The following ANKRD26 variants were observed in gnomAD, a reference collection of about 807,000 sequenced individuals.
ANKRD26 encodes ankyrin repeat domain-containing protein 26.
ANKRD26 carries 141 observed loss-of-function variants against 208.7 expected under a neutral mutation model. The observed-to-expected ratio is 0.68, with a 90% confidence interval of 0.59 to 0.78. The LOEUF (loss-of-function observed/expected upper bound fraction) is 0.78, where lower values mean the gene tolerates loss of function less well. ANKRD26 is among the 30% of genes least tolerant of loss of function. The pLI is 0.00. For synonymous variants in ANKRD26, 636 were observed against 660.4 expected (o/e 0.96, Z 0.57); for missense variants, 1,889 against 1,938.7 (o/e 0.97, Z 0.48).
intron 16 of ANKRD26, among the ~76,000 whole-genome samples, chr10:27,049,671 T>A (rs2054580732): frequency 6.6e-6 from 1 of 152,174 alleles, no homozygotes; most frequent in Non-Finnish European, 1.5e-5. Context: ...ATTAATTATC[T>A]AAGTTAACCT....
chr10:27,089,147 C>T (rs990838050), intron 4 of ANKRD26, among the ~76,000 whole-genome samples: 3 of 152,192 alleles, frequency 2.0e-5, no homozygotes, highest in Non-Finnish European at 4.4e-5. Context: ...CATTTCCAGA[C>T]TGCAGGACCA....
At chr10:27,036,930 ATAT>A (rs1434325075) in intron 23 of ANKRD26, among the ~76,000 whole-genome samples, 2 of 152,132 alleles carry the variant, frequency 1.3e-5, no homozygotes, top group African/African-American at 4.8e-5. Flanking sequence ...CTTACGGAAG[ATAT>A]TATTAAAAGC....
downstream of ANKRD26, among the ~76,000 whole-genome samples, chr10:26,972,166 C>G (rs12260834): frequency 2.0e-5 from 3 of 148,698 alleles, no homozygotes; most frequent in East Asian, 4.0e-4. Context: ...TCCCGGGAGG[C>G]GGAGCTTGCA....
At chr10:27,100,021 A>T in intron 1 of ANKRD26, 64 bp downstream of exon 1, 4 of 1,606,952 alleles carry the variant, frequency 2.5e-6, no homozygotes, top group Non-Finnish European at 3.4e-6. Flanking sequence ...CTCCCACAAA[A>T]GGGGCCCCTC....
chr10:27,009,764 GCTC>G (rs1286996664), intron 32 of ANKRD26, among the ~76,000 whole-genome samples: 1 of 152,106 alleles, frequency 6.6e-6, no homozygotes, highest in African/African-American at 2.4e-5. Context: ...TTATAAAAAT[GCTC>G]CTCCTTTCTC....
chr10:27,011,712 G>A (rs893686706), intron 32 of ANKRD26, among the ~76,000 whole-genome samples: 2 of 152,188 alleles, frequency 1.3e-5, no homozygotes, highest in African/African-American at 4.8e-5. Flanking sequence ...CTAGGACCTT[G>A]TTACTGTAAA....
intron 4 of ANKRD26, among the ~76,000 whole-genome samples, chr10:26,981,182 G>A (rs759299998): frequency 7.2e-5 from 11 of 152,314 alleles, no homozygotes; most frequent in Middle Eastern, 3.4e-3. Flanking sequence ...GGCTGATGTT[G>A]CATGGGTGGT....
rs1041549679 is a variant in ANKRD26, at chr10:27,022,429, GTTTT to G, written c.4215+125_4215+128del. On this transcript the variant is annotated intron_variant, in intron 29 of 33. Coordinates refer to ENST00000376087, the MANE Select transcript of ANKRD26 (RefSeq NM_014915.3). ...CTCTGAACTTAAAAGTTTAAAAAAA[GTTTT>G]TTTATTAGTATCAAGTCCCTAAAGT... is the stretch of plus-strand genomic sequence containing the variant. 4 of 695,102 alleles carry G rather than the reference GTTTT, an allele frequency of 5.8e-6. No individual in the cohort carries two copies. In the East Asian group the frequency reaches 1.3e-4, roughly 23 times the overall value. 43.1% of individuals were successfully genotyped at this position (695,102 alleles called of 1,614,324 possible).
intron 16 of ANKRD26, chr10:27,050,963 C>T (rs1052186697): frequency 2.3e-6 from 2 of 881,586 alleles, no homozygotes; most frequent in African/African-American, 1.8e-5. Flanking sequence ...TTAGGTAACA[C>T]CATTTTATAC....
At chr10:27,084,814 A>G (rs2135657901) in intron 5 of ANKRD26, among the ~76,000 whole-genome samples, 1 of 150,978 alleles carries the variant, frequency 6.6e-6, no homozygotes, top group East Asian at 2.0e-4. Flanking sequence ...TGTTGCAGTG[A>G]GCCGAGATCG....
intron 21 of ANKRD26, among the ~76,000 whole-genome samples, chr10:27,038,594 T>C (rs1457554324): frequency 1.3e-5 from 2 of 150,856 alleles, no homozygotes; most frequent in Non-Finnish European, 1.5e-5. Flanking sequence ...GATGTTGCAG[T>C]GAGCCGAGAT....
chr10:26,993,000 A>G (rs1467961660), intron 5 of ANKRD26, among the ~76,000 whole-genome samples: 1 of 152,190 alleles, frequency 6.6e-6, no homozygotes, highest in East Asian at 1.9e-4. Context: ...TGTTTAGCAA[A>G]GAGATACTCA....
chr10:27,098,417 A>G (rs879606359), intron 1 of ANKRD26, among the ~76,000 whole-genome samples: 6 of 152,346 alleles, frequency 3.9e-5, no homozygotes, highest in Admixed American at 6.5e-5. Flanking sequence ...TGCAAGATTC[A>G]TATTCCTCTC....
At position 27,039,961 on chromosome 10, in the gene ANKRD26, A is replaced by C; in HGVS notation, c.2375+4T>G. 1 of 1,611,696 alleles carries C rather than the reference A, an allele frequency of 6.2e-7. No homozygotes were observed. The highest frequency in any genetic ancestry group is 8.5e-7 in the Non-Finnish European group (1 of 1,178,302). Reference sequence around the variant, plus strand: ...AACATTTCTTTAAAACTAGGCTATCATACCTCAAAGAGCACAGTTCTCGTT... The same window carrying C: ...AACATTTCTTTAAAACTAGGCTATCCTACCTCAAAGAGCACAGTTCTCGTT... On this transcript the variant is annotated splice_donor_region_variant and intron_variant, in intron 21 of 33. Coordinates refer to ENST00000376087, the MANE Select transcript of ANKRD26 (RefSeq NM_014915.3).
chr10:27,100,013 C>T (rs567384466), intron 1 of ANKRD26, 72 bp downstream of exon 1: 1 of 1,605,036 alleles, frequency 6.2e-7, no homozygotes, highest in South Asian at 1.1e-5. Context: ...CTGGGTGGCT[C>T]CCACAAAAGG....
chr10:27,064,380 G>T (rs1463658361), intron 11 of ANKRD26, among the ~76,000 whole-genome samples: 1 of 151,968 alleles, frequency 6.6e-6, no homozygotes, highest in East Asian at 1.9e-4. Flanking sequence ...GTTCAACAAG[G>T]AACTAATATC....
At chr10:26,987,080 C>T (rs1169789422), downstream of ANKRD26, among the ~76,000 whole-genome samples, 1 of 152,110 alleles carries the variant, frequency 6.6e-6, no homozygotes, top group Non-Finnish European at 1.5e-5. Context: ...CACATATACA[C>T]CATGGAATAC....
intron 5 of ANKRD26, among the ~76,000 whole-genome samples, chr10:27,085,388 C>T (rs1038178297): frequency 2.6e-5 from 4 of 152,034 alleles, no homozygotes; most frequent in Admixed American, 1.3e-4. Context: ...CGTGAGCCAC[C>T]GCACCTGGCC....
chr10:27,090,547 T>A (rs901689127), intron 4 of ANKRD26, among the ~76,000 whole-genome samples: 2 of 152,178 alleles, frequency 1.3e-5, no homozygotes, highest in African/African-American at 4.8e-5. Flanking sequence ...GACATAAGCA[T>A]CTTGGGTGCT....
Sources: allele counts gnomAD v4.1 joint callset (sites outside exome capture counted in the v4.1 genomes callset), GRCh38; gene constraint gnomAD v4.1.1; transcripts MANE v1.5; gene names NCBI Gene and HGNC (gene_info 2026-07-23, HGNC 2026-07-21).